COL15A1: variants seen among roughly 807,000 people sequenced by gnomAD.
COL15A1 encodes collagen alpha-1(XV) chain.
Under a neutral mutation model 165.9 loss-of-function variants are expected in COL15A1, and 111 were observed. The ratio of observed to expected loss-of-function variants is 0.67; its 90% confidence interval spans 0.57 to 0.78. The LOEUF is 0.78. COL15A1 is among the 30% of genes least tolerant of loss of function. COL15A1 has a pLI of 0.00. For missense variants in COL15A1, 1,745 were observed against 1,789.7 expected (o/e 0.98, Z 0.45); for synonymous variants, 659 against 674.8 (o/e 0.98, Z 0.36).
rs1838698485 is a variant in COL15A1, at chr9:99,003,459, G to A, written c.1072G>A (p.Ala358Thr). 4 of 1,506,824 alleles carry A rather than the reference G, an allele frequency of 2.7e-6. No homozygotes were observed. The highest frequency in any genetic ancestry group is 1.4e-5 in the African/African-American group (1 of 70,802). 93.3% of individuals were successfully genotyped at this position (1,506,824 alleles called of 1,614,324 possible). ...GTGATGCCTTTGTTTTCAGAATTTA[G>A]CAGCAACAGCAGCGGGGCTGGCCGA... ...FLDIAEEKNLAATAAGLAEVP... is the reference protein window; with the variant it reads ...FLDIAEEKNLTATAAGLAEVP... Residue 358 changes from alanine to threonine, a missense_variant, in exon 8 of 42, where the codon GCA becomes ACA. Physicochemically the swap from Ala to Thr is moderately conservative, Grantham distance 58. Coordinates refer to ENST00000375001, the MANE Select transcript of COL15A1 (RefSeq NM_001855.5).
rs1384259809 is a variant in COL15A1 at position 99,023,363 on chromosome 9, G to A, written c.1768G>A (p.Ala590Thr). The change falls in exon 14 of 42, where the codon GCA (alanine) becomes ACA (threonine). Residue 590 changes from alanine to threonine, a missense_variant. By Grantham distance (58) the Ala-to-Thr change is moderately conservative. Coordinates refer to ENST00000375001, the MANE Select transcript of COL15A1 (RefSeq NM_001855.5). ...AAATTTCTTCTCTTTCCAGGCAGGA[G>A]CAGAAGCAGAGGGCTCTGGCCTAGG... Reference protein sequence around the residue: ...PSGPVGPTAGAEAEGSGLGWG... With the variant: ...PSGPVGPTAGTEAEGSGLGWG... 6.2e-7 allele frequency: 1 copy of A among 1,606,798 alleles called. No individual in the cohort carries two copies. The highest frequency in any genetic ancestry group is 1.7e-5 in the Admixed American group (1 of 58,964).
At chr9:99,041,956 T>A (rs1839412335) in intron 23 of COL15A1, 89 bp from the exon 24 acceptor site, 1 of 848,644 alleles carries the variant, frequency 1.2e-6, no homozygotes, top group African/African-American at 1.7e-5. Context: ...GCAGTGTGTA[T>A]TCTACTGTTG....
chr9:98,982,617 C>CGATGATGAT (rs142566035), intron 2 of COL15A1, among the ~76,000 whole-genome samples: 2 of 150,464 alleles, frequency 1.3e-5, no homozygotes, highest in Admixed American at 6.6e-5. Flanking sequence ...ACAGTGATGA[C>CGATGATGAT]GATGATGATG....
chr9:99,038,565 G>T, intron 21 of COL15A1, 103 bp from the exon 22 acceptor site: 2 of 739,002 alleles, frequency 2.7e-6, no homozygotes, highest in South Asian at 3.3e-5. Flanking sequence ...AGTGTCTGCG[G>T]TGTTCCGCTA....
At chr9:99,048,234 A>G (rs1279212824) in intron 28 of COL15A1, among the ~76,000 whole-genome samples, 1 of 152,132 alleles carries the variant, frequency 6.6e-6, no homozygotes, top group African/African-American at 2.4e-5. Context: ...ACCCAGAGGG[A>G]GTAGGGGAGA....
chr9:98,953,628 CA>C (rs1324409588), intron 2 of COL15A1, among the ~76,000 whole-genome samples: 1 of 152,118 alleles, frequency 6.6e-6, no homozygotes, highest in East Asian at 1.9e-4. Context: ...CAGAACAGGG[CA>C]AAAAACTATT....
chr9:98,962,710 G>A (rs1272072500), intron 2 of COL15A1, among the ~76,000 whole-genome samples: 1 of 152,138 alleles, frequency 6.6e-6, no homozygotes, highest in Non-Finnish European at 1.5e-5. Flanking sequence ...CAACTTGTGG[G>A]GGATATTTAG....
At chr9:99,048,716 C>G (rs897259801) in intron 28 of COL15A1, among the ~76,000 whole-genome samples, 1 of 130,400 alleles carries the variant, frequency 7.7e-6, no homozygotes, top group East Asian at 2.5e-4. Flanking sequence ...CAACAGTCCC[C>G]GGAGTGTGAT....
At chr9:98,976,189 A>C (rs1838140020) in intron 2 of COL15A1, among the ~76,000 whole-genome samples, 1 of 152,214 alleles carries the variant, frequency 6.6e-6, no homozygotes, top group Non-Finnish European at 1.5e-5. Context: ...ATATGATCAA[A>C]TTCATGAATT....
rs779292407 is a variant in COL15A1 at position 98,944,262 on chromosome 9, G to A, written c.100+12G>A. ...CCGCGGTGCGACAGGTAAGCAACCC[G>A]GTCGGAGGGTGGCACCGGCTGCCTC... On this transcript the variant is annotated intron_variant, in intron 2 of 41. Transcript: ENST00000375001. 3.1e-6 allele frequency: 5 copies of A among 1,612,112 alleles called. No homozygotes were observed. Among genetic ancestry groups the A allele is most frequent in the South Asian group, 1.1e-5 (1 of 90,840 alleles).
At chr9:99,000,315 C>CATACATATACATATACAT (rs58933894) in intron 6 of COL15A1, among the ~76,000 whole-genome samples, 6 of 151,680 alleles carry the variant, frequency 4.0e-5, no homozygotes, top group African/African-American at 1.5e-4. Flanking sequence ...TATATAAGCA[C>CATACATATACATATACAT]ATACATATAC....
chr9:99,069,601 C>T, intron 41 of COL15A1, 72 bp from the exon 42 acceptor site: 1 of 1,556,816 alleles, frequency 6.4e-7, no homozygotes, highest in Non-Finnish European at 8.7e-7. Flanking sequence ...TAGACTTATG[C>T]CAATTTGCTT....
At chr9:98,993,365 G>A (rs865850328) in intron 5 of COL15A1, among the ~76,000 whole-genome samples, 1 of 152,170 alleles carries the variant, frequency 6.6e-6, no homozygotes, top group Non-Finnish European at 1.5e-5. Context: ...CTCCTGGTTG[G>A]CCAGTGGCTT....
chr9:98,971,660 G>A (rs958630628), intron 2 of COL15A1, among the ~76,000 whole-genome samples: 3 of 152,238 alleles, frequency 2.0e-5, no homozygotes, highest in Non-Finnish European at 2.9e-5. Flanking sequence ...CAGCAAGACA[G>A]CAGGAACCAC....
chr9:99,040,087 A>G (rs1275167946), intron 22 of COL15A1, among the ~76,000 whole-genome samples: 6 of 152,224 alleles, frequency 3.9e-5, no homozygotes, highest in African/African-American at 1.2e-4. Flanking sequence ...ATGAAAACCA[A>G]TAATCCAAAA....
At chr9:99,043,688 C>G (rs552384903) in intron 24 of COL15A1, among the ~76,000 whole-genome samples, 1 of 152,274 alleles carries the variant, frequency 6.6e-6, no homozygotes, top group Non-Finnish European at 1.5e-5. Flanking sequence ...TGCTTTGATG[C>G]TACTGTCCTA....
chr9:98,981,906 G>A (rs1478651682), intron 2 of COL15A1, among the ~76,000 whole-genome samples: 1 of 152,120 alleles, frequency 6.6e-6, no homozygotes, highest in Non-Finnish European at 1.5e-5. Flanking sequence ...CTAGGCGCAA[G>A]TGATCCTCCT....
intron 9 of COL15A1, among the ~76,000 whole-genome samples, chr9:99,011,289 T>C (rs1441267106): frequency 6.6e-6 from 1 of 152,012 alleles, no homozygotes; most frequent in African/African-American, 2.4e-5. Flanking sequence ...TTCCCTTTAA[T>C]TGTAGACAAC....
intron 2 of COL15A1, among the ~76,000 whole-genome samples, chr9:98,963,820 C>T (rs1837905117): frequency 6.6e-6 from 1 of 152,182 alleles, no homozygotes; most frequent in African/African-American, 2.4e-5. Context: ...CAGTGCTGAG[C>T]CATCCATCCC....
Sources: gnomAD v4.1 joint callset for allele counts (sites outside exome capture counted in the v4.1 genomes callset) on GRCh38, gnomAD v4.1.1 for gene constraint, MANE v1.5 for transcripts, NCBI Gene and HGNC (gene_info 2026-07-23, HGNC 2026-07-21) for gene names.